The following AOX1 variants were observed in gnomAD, a reference collection of about 807,000 sequenced individuals.
AOX1 encodes the protein aldehyde oxidase.
A neutral mutation model predicts 169.5 loss-of-function variants in AOX1; 153 were observed. The ratio of observed to expected loss-of-function variants is 0.90; its 90% CI spans 0.79 to 1.03. The LOEUF is 1.03. AOX1 is among the 50% of genes least tolerant of loss of function. The pLI, the probability that AOX1 is intolerant of heterozygous loss-of-function variation, is 0.00. For missense variants in AOX1, 1,656 were observed against 1,663.9 expected (o/e 1.00, Z 0.08); for synonymous variants, 562 against 581.9 (o/e 0.97, Z 0.49).
Position 200,668,769 on chromosome 2 carries a change from C to T in AOX1, c.3764C>T (p.Pro1255Leu). The T allele has an allele frequency of 6.2e-7, 1 of 1,614,062 alleles. No homozygotes were observed. The highest frequency in any genetic ancestry group is 8.5e-7 in the Non-Finnish European group (1 of 1,180,018). Residue 1255 changes from proline to leucine, a missense_variant, in exon 33 of 35, where the codon CCT (proline) becomes CTT (leucine). Pro to Leu is a moderately conservative substitution (Grantham distance 98). Coordinates refer to ENST00000374700, the MANE Select transcript of AOX1 (RefSeq NM_001159.4). ...GAGTTGCACATTGCTTTGTTGCCTC[C>T]TTCTCAAAACTCAAATACTCTTTAT... ...PTELHIALLP[P>L]SQNSNTLYSS...
intron 2 of AOX1, 147 bp downstream of exon 2, chr2:200,593,350 C>A: frequency 1.4e-6 from 1 of 706,212 alleles, no homozygotes; most frequent in Non-Finnish European, 2.3e-6. Flanking sequence ...TGAGAAAGTC[C>A]TATCATTTTA....
chr2:200,659,302 C>T lies in AOX1; in HGVS notation c.3300+9C>T, dbSNP rs745362275. 32 of 1,611,990 alleles carry T rather than the reference C, an allele frequency of 2.0e-5. No individual in the cohort carries two copies. The highest frequency in any genetic ancestry group is 2.6e-5 in the Non-Finnish European group (31 of 1,178,968). ...ACGGTTTGGCAGTAAAGGTAACAGT[C>T]ACTGCAGTGGCGTCCAAATCATTAA... is the stretch of plus-strand genomic sequence containing the variant. On this transcript the variant is annotated intron_variant, in intron 28 of 34. Transcript: ENST00000374700.
chr2:200,589,276 C>T (rs2034119121), intron 1 of AOX1, among the ~76,000 whole-genome samples: 1 of 152,174 alleles, frequency 6.6e-6, no homozygotes, highest in South Asian at 2.1e-4. Context: ...TCTACCAAGG[C>T]CCCCAGAAGA....
intron 31 of AOX1, among the ~76,000 whole-genome samples, chr2:200,665,181 C>T (rs539368313): frequency 1.4e-4 from 21 of 152,300 alleles, no homozygotes; most frequent in African/African-American, 2.2e-4. Flanking sequence ...CATGTGCAAG[C>T]GAGAGAGTAC....
chr2:200,656,181 G>A (rs1299497965), intron 26 of AOX1, among the ~76,000 whole-genome samples: 2 of 152,188 alleles, frequency 1.3e-5, no homozygotes, highest in African/African-American at 2.4e-5. Flanking sequence ...GACCATTGCT[G>A]CTGATGTTGC....
chr2:200,612,651 A>G lies in AOX1; in HGVS notation c.1306A>G (p.Asn436Asp), dbSNP rs896852817. 18 of 1,614,100 alleles carry G rather than the reference A, an allele frequency of 1.1e-5. No individual in the cohort carries two copies. Among genetic ancestry groups the G allele is most frequent in the Non-Finnish European group, 1.3e-5 (15 of 1,180,012 alleles). ...SAFRQAQRQE[N>D]ALAIVNSGMR... ...CTTCCGACAAGCCCAGCGACAGGAG[A>G]ATGCGCTAGCGATAGTCAATTCAGG... Residue 436 changes from asparagine (N) to aspartate (D), a missense_variant, in exon 14 of 35, where the codon AAT (asparagine) becomes GAT (aspartate). Coordinates refer to ENST00000374700, the MANE Select transcript of AOX1 (RefSeq NM_001159.4).
chr2:200,665,994 T>C (rs536141706), intron 31 of AOX1, among the ~76,000 whole-genome samples: 7 of 152,344 alleles, frequency 4.6e-5, no homozygotes, highest in Admixed American at 4.6e-4. Context: ...TTGGATTTCT[T>C]TTGTTCAATT....
chr2:200,657,186 A>T (rs1196569214), intron 27 of AOX1, among the ~76,000 whole-genome samples: 941 of 65,568 alleles, frequency 0.014, 19 homozygotes, highest in East Asian at 0.069. Flanking sequence ...ATATATATAT[A>T]TATATTTTTT....
At position 200,670,712 on chromosome 2, in the gene AOX1, C is replaced by T. The variant is rs1274169429; in HGVS notation, c.*33C>T. On this transcript the variant is annotated 3_prime_UTR_variant, in exon 35 of 35. Transcript: ENST00000374700. ...GCAAACTTCTGGAGAAAACAGAGTG[C>T]CTCTTCCCAGATGGCAATCTGTCCT... 1.9e-6 allele frequency: 3 copies of T among 1,575,010 alleles called. No individual in the cohort carries two copies. Among genetic ancestry groups the T allele is most frequent in the Non-Finnish European group, 2.6e-6 (3 of 1,146,536 alleles).
intron 4 of AOX1, among the ~76,000 whole-genome samples, chr2:200,598,187 AAGAG>A (rs1161032181): frequency 1.3e-5 from 2 of 151,928 alleles, no homozygotes; most frequent in East Asian, 3.9e-4. Flanking sequence ...TGAAGGAAGA[AAGAG>A]AAAGAAGAGC....
intron 26 of AOX1, among the ~76,000 whole-genome samples, chr2:200,654,864 G>A (rs970883201): frequency 1.3e-5 from 2 of 152,178 alleles, no homozygotes; most frequent in Admixed American, 1.3e-4. Context: ...CTGTACAGTG[G>A]TGCCACTTAA....
downstream of AOX1, among the ~76,000 whole-genome samples, chr2:200,674,116 G>T (rs996426520): frequency 6.6e-6 from 1 of 152,234 alleles, no homozygotes; most frequent in Non-Finnish European, 1.5e-5. Context: ...AGTGGCCCAC[G>T]CCGGTGCTTC....
At chr2:200,611,141 C>T (rs2034629416) in intron 12 of AOX1, among the ~76,000 whole-genome samples, 1 of 152,178 alleles carries the variant, frequency 6.6e-6, no homozygotes, top group Non-Finnish European at 1.5e-5. Context: ...AGGTGTGAAC[C>T]ACCACGCCCA....
chr2:200,666,591 T>C, intron 31 of AOX1, 96 bp from the exon 32 acceptor site: 2 of 731,392 alleles, frequency 2.7e-6, no homozygotes, highest in Non-Finnish European at 4.2e-6. Flanking sequence ...AAGAAAGGCT[T>C]TATACCAAAG....
intron 13 of AOX1, among the ~76,000 whole-genome samples, 164 bp from the exon 14 acceptor site, chr2:200,612,445 C>T (rs2034658550): frequency 6.6e-6 from 1 of 152,154 alleles, no homozygotes; most frequent in Admixed American, 6.5e-5. Context: ...ACATACCGTC[C>T]AGCACGTAGG....
At chr2:200,679,051 T>C (rs2036132810), downstream of AOX1, among the ~76,000 whole-genome samples, 1 of 152,154 alleles carries the variant, frequency 6.6e-6, no homozygotes, top group Non-Finnish European at 1.5e-5. Context: ...ATTCCTGAGA[T>C]TTTTAATTTT....
intron 10 of AOX1, 56 bp downstream of exon 10, chr2:200,605,684 CT>C: frequency 1.2e-6 from 1 of 806,772 alleles, no homozygotes. Flanking sequence ...ATTTATTTAC[CT>C]TGCCCAGCAG....
At chr2:200,590,041 T>C (rs2034136495) in intron 1 of AOX1, among the ~76,000 whole-genome samples, 1 of 152,190 alleles carries the variant, frequency 6.6e-6, no homozygotes, top group Non-Finnish European at 1.5e-5. Flanking sequence ...GAGGCTGCTG[T>C]AGATTATTGT....
chr2:200,607,022 A>T (rs889644827), intron 10 of AOX1, among the ~76,000 whole-genome samples: 2 of 152,082 alleles, frequency 1.3e-5, no homozygotes, highest in African/African-American at 4.8e-5. Flanking sequence ...TACTACGTTG[A>T]ATAGTAGTGG....
Sources: allele counts gnomAD v4.1 joint callset (sites outside exome capture counted in the v4.1 genomes callset), GRCh38; gene constraint gnomAD v4.1.1; transcripts MANE v1.5; gene names NCBI Gene and HGNC (gene_info 2026-07-23, HGNC 2026-07-21).